NMNAT2: variants seen among roughly 807,000 people sequenced by gnomAD.
The protein encoded by NMNAT2 is nicotinamide/nicotinic acid mononucleotide adenylyltransferase 2.
In NMNAT2, 11 loss-of-function variants were observed where a neutral mutation model predicts 41.6. The observed-to-expected ratio is 0.26, with a 90% CI of 0.17 to 0.44. NMNAT2 has a LOEUF of 0.44. NMNAT2 is among the 20% of genes least tolerant of loss of function. NMNAT2 has a pLI of 1.00. For synonymous variants in NMNAT2, 148 were observed against 151.2 expected, an observed-to-expected ratio of 0.98 and a Z score of 0.16; for missense variants, 288 against 407.7, an observed-to-expected ratio of 0.71 and a Z score of 2.53.
chr1:183,341,065 G>T (rs1030165446), intron 1 of NMNAT2, among the ~76,000 whole-genome samples: 2 of 152,248 alleles, frequency 1.3e-5, no homozygotes, highest in African/African-American at 4.8e-5. Context: ...CCAAGGTCAT[G>T]CAGTGGATGG....
intron 1 of NMNAT2, among the ~76,000 whole-genome samples, chr1:183,410,637 A>C (rs1028606599): frequency 6.6e-6 from 1 of 151,754 alleles, no homozygotes; most frequent in South Asian, 2.1e-4. Flanking sequence ...CCCTGTGCTC[A>C]CCTGCACTCT....
At chr1:183,361,270 G>A (rs1292512037) in intron 1 of NMNAT2, among the ~76,000 whole-genome samples, 1 of 152,028 alleles carries the variant, frequency 6.6e-6, no homozygotes, top group Non-Finnish European at 1.5e-5. Context: ...CCTCCCCATC[G>A]CCATGTGGTC....
At chr1:183,330,788 G>A (rs1182929272) in intron 1 of NMNAT2, among the ~76,000 whole-genome samples, 2 of 152,168 alleles carry the variant, frequency 1.3e-5, no homozygotes, top group East Asian at 1.9e-4. Context: ...GAATCAGCGA[G>A]GTGAATTCTA....
chr1:183,270,495 C>A (rs1291272576), intron 8 of NMNAT2, among the ~76,000 whole-genome samples: 1 of 151,266 alleles, frequency 6.6e-6, no homozygotes, highest in African/African-American at 2.4e-5. Context: ...CAGAGTCCAG[C>A]AGGTGGAAAT....
At chr1:183,291,788 C>T in intron 3 of NMNAT2, among the ~76,000 whole-genome samples, 1 of 152,144 alleles carries the variant, frequency 6.6e-6, no homozygotes, top group African/African-American at 2.4e-5. Flanking sequence ...TTGCTCAAGC[C>T]CTTTCATTTC....
chr1:183,320,718 C>A (rs1662341089), intron 1 of NMNAT2, among the ~76,000 whole-genome samples: 1 of 152,200 alleles, frequency 6.6e-6, no homozygotes, highest in African/African-American at 2.4e-5. Context: ...CTGGGTTACA[C>A]CAACATTCAC....
chr1:183,331,556 C>G (rs1267380867), intron 1 of NMNAT2, among the ~76,000 whole-genome samples: 1 of 152,208 alleles, frequency 6.6e-6, no homozygotes, highest in Non-Finnish European at 1.5e-5. Flanking sequence ...ACCAGTCTTT[C>G]TTTTTCCAAC....
At chr1:183,299,126 C>G (rs12145136) in intron 1 of NMNAT2, among the ~76,000 whole-genome samples, 1 of 152,038 alleles carries the variant, frequency 6.6e-6, no homozygotes, top group African/African-American at 2.4e-5. Flanking sequence ...AATCCCAGCA[C>G]TTTGGGAGGC....
chr1:183,322,551 A>G (rs554226968), intron 1 of NMNAT2, among the ~76,000 whole-genome samples: 42 of 152,142 alleles, frequency 2.8e-4, no homozygotes, highest in Non-Finnish European at 4.1e-4. Context: ...GCCTGTCCCA[A>G]TTGCTATCCC....
intron 1 of NMNAT2, among the ~76,000 whole-genome samples, chr1:183,296,379 T>C (rs1335671483): frequency 6.6e-6 from 1 of 152,224 alleles, no homozygotes; most frequent in African/African-American, 2.4e-5. Flanking sequence ...TAAGAGGCTG[T>C]CAAATTGTCT....
At chr1:183,347,285 C>G (rs762878972) in intron 1 of NMNAT2, among the ~76,000 whole-genome samples, 14 of 152,078 alleles carry the variant, frequency 9.2e-5, no homozygotes, top group Non-Finnish European at 1.6e-4. Context: ...GAGATGCCAT[C>G]TCTACAAAAA....
At chr1:183,367,461 GTAAA>G (rs746690757) in intron 1 of NMNAT2, among the ~76,000 whole-genome samples, 15 of 152,022 alleles carry the variant, frequency 9.9e-5, no homozygotes, top group Admixed American at 7.9e-4. Context: ...TCTGTCTCAA[GTAAA>G]TAAATAAATA....
rs925279594 is a variant in NMNAT2, at chr1:183,405,640, A to G, written c.85+12543T>C. On this transcript the variant is annotated intron_variant, in intron 1 of 10. Transcript: ENST00000287713. ...ACAAAACTAAGACTTTAAGACATGG[A>G]CAAGAGTTGACTGGAGCTTTCAACA... is the stretch of plus-strand genomic sequence containing the variant. 4.3e-4 allele frequency among the ~76,000 whole-genome samples: 65 copies of G among 152,218 alleles called. 1 individual carries two copies. The highest frequency in any genetic ancestry group is 1.9e-4 in the Non-Finnish European group (13 of 68,038).
intron 8 of NMNAT2, among the ~76,000 whole-genome samples, chr1:183,269,759 T>C (rs1442137336): frequency 1.3e-5 from 2 of 152,258 alleles, no homozygotes; most frequent in African/African-American, 2.4e-5. Context: ...TTTAATAACC[T>C]GTCCAAGTTG....
intron 1 of NMNAT2, among the ~76,000 whole-genome samples, chr1:183,319,626 C>T (rs1018731261): frequency 6.6e-6 from 1 of 152,184 alleles, no homozygotes; most frequent in African/African-American, 2.4e-5. Context: ...TTCCTTTCTT[C>T]CTTCTTTCCT....
chr1:183,350,921 A>G (rs548550788), intron 1 of NMNAT2, among the ~76,000 whole-genome samples: 36 of 152,302 alleles, frequency 2.4e-4, no homozygotes, highest in Admixed American at 6.5e-4. Context: ...TGAGTTCAAC[A>G]TGTATTTGAA....
chr1:183,256,983 C>T (rs1660530256), intron 10 of NMNAT2, among the ~76,000 whole-genome samples: 1 of 151,914 alleles, frequency 6.6e-6, no homozygotes, highest in Non-Finnish European at 1.5e-5. Context: ...AACTCCTGAC[C>T]TCAAGTGATC....
chr1:183,267,570 A>AAGTCC (rs1374067917), intron 8 of NMNAT2, among the ~76,000 whole-genome samples: 1 of 152,136 alleles, frequency 6.6e-6, no homozygotes, highest in East Asian at 1.9e-4. Context: ...CACCTCTGAG[A>AAGTCC]AGTCCAGCAA....
chr1:183,375,847 G>C (rs1352966653), intron 1 of NMNAT2, among the ~76,000 whole-genome samples: 1 of 152,142 alleles, frequency 6.6e-6, no homozygotes, highest in Non-Finnish European at 1.5e-5. Flanking sequence ...TCTTGGCACT[G>C]TGTGTTCATA....
Sources: allele counts gnomAD v4.1 joint callset (sites outside exome capture counted in the v4.1 genomes callset), GRCh38; gene constraint gnomAD v4.1.1; transcripts MANE v1.5; gene names NCBI Gene and HGNC (gene_info 2026-07-23, HGNC 2026-07-21).